SLC10A1: variants seen among roughly 807,000 people sequenced by gnomAD.
The protein encoded by SLC10A1 is solute carrier family 10 member 1.
A neutral mutation model predicts 20.5 loss-of-function variants in SLC10A1; 36 were observed. The ratio of observed to expected loss-of-function variants is 1.75; its 90% CI spans 1.34 to 2.32. SLC10A1 has a LOEUF of 2.32. Ranked by LOEUF, SLC10A1 falls within the 30% of genes most tolerant of loss-of-function variation. SLC10A1 has a pLI of 0.00. For synonymous variants in SLC10A1, 188 were observed against 163.6 expected, an observed-to-expected ratio of 1.15 and a Z score of -1.14; for missense variants, 545 against 439.1, an observed-to-expected ratio of 1.24 and a Z score of -2.16.
At chr14:69,791,105 TAAA>T (rs1387035157) in intron 1 of SLC10A1, among the ~76,000 whole-genome samples, 3 of 152,020 alleles carry the variant, frequency 2.0e-5, no homozygotes, top group African/African-American at 7.2e-5. Flanking sequence ...AGAAAGGTAT[TAAA>T]AAAGGCCTAA....
intron 1 of SLC10A1, among the ~76,000 whole-genome samples, chr14:69,792,687 T>A (rs1294555056): frequency 6.6e-6 from 1 of 152,198 alleles, no homozygotes. Context: ...TGCCCTCATG[T>A]GGGCAGAGGG....
rs200792645 is a variant in SLC10A1, at chr14:69,776,103, G to C, written c.*179C>G. ...CAAATTCTAAGTTGGGGATAGGTGA[G>C]GCTTCTTGGGTAGACACCCTGTCTG... On this transcript the variant is annotated 3_prime_UTR_variant, in exon 5 of 5. Transcript: ENST00000216540. 1.0e-5 allele frequency: 6 copies of C among 576,092 alleles called. No individual in the cohort carries two copies. Among genetic ancestry groups the C allele is most frequent in the South Asian group, 2.2e-5 (1 of 45,234 alleles). The allele number at this position is 576,092 out of a possible 1,614,324, so 35.7% of individuals were successfully genotyped here.
At chr14:69,781,686 A>C (rs1287760132) in intron 2 of SLC10A1, among the ~76,000 whole-genome samples, 3 of 152,200 alleles carry the variant, frequency 2.0e-5, no homozygotes, top group Admixed American at 6.5e-5. Flanking sequence ...AGAGTGGTGG[A>C]TGGCTTATGG....
intron 1 of SLC10A1, among the ~76,000 whole-genome samples, chr14:69,789,330 A>G (rs1416631207): frequency 1.3e-5 from 2 of 152,250 alleles, no homozygotes; most frequent in African/African-American, 4.8e-5. Context: ...GAATGAATGG[A>G]TGAGCAAAAT....
chr14:69,786,752 AAAT>A (rs1883725775), intron 1 of SLC10A1, among the ~76,000 whole-genome samples: 1 of 152,226 alleles, frequency 6.6e-6, no homozygotes, highest in African/African-American at 2.4e-5. Flanking sequence ...CACAGTTACT[AAAT>A]GTCTGGTTTA....
At chr14:69,793,643 A>G (rs1024066223) in intron 1 of SLC10A1, among the ~76,000 whole-genome samples, 6 of 152,172 alleles carry the variant, frequency 3.9e-5, no homozygotes, top group South Asian at 2.1e-4. Flanking sequence ...AGCTTCCTAC[A>G]TCATGGCTGG....
chr14:69,789,584 G>C (rs1185763715), intron 1 of SLC10A1, among the ~76,000 whole-genome samples: 1 of 152,074 alleles, frequency 6.6e-6, no homozygotes, highest in South Asian at 2.1e-4. Flanking sequence ...TCCTTTTTGG[G>C]GTATTGAAAA....
At chr14:69,785,413 A>G (rs1883688266) in intron 2 of SLC10A1, among the ~76,000 whole-genome samples, 1 of 152,004 alleles carries the variant, frequency 6.6e-6, no homozygotes, top group African/African-American at 2.4e-5. Flanking sequence ...GTGCCTGCTG[A>G]ACTCTATTCA....
At chr14:69,781,161 CTG>C (rs891321383) in intron 2 of SLC10A1, among the ~76,000 whole-genome samples, 5 of 152,200 alleles carry the variant, frequency 3.3e-5, no homozygotes, top group Non-Finnish European at 4.4e-5. Flanking sequence ...GCTCACTAAA[CTG>C]TAACTCCTGT....
At chr14:69,778,050 G>A (rs1287343187) in intron 4 of SLC10A1, among the ~76,000 whole-genome samples, 1 of 152,072 alleles carries the variant, frequency 6.6e-6, no homozygotes, top group South Asian at 2.1e-4. Flanking sequence ...GTCCTATGAT[G>A]TCTCCCCACT....
intron 1 of SLC10A1, among the ~76,000 whole-genome samples, chr14:69,788,307 AAAT>A (rs1405456239): frequency 3.3e-5 from 5 of 152,134 alleles, no homozygotes; most frequent in African/African-American, 7.2e-5. Context: ...TAGAATATAA[AAAT>A]AATAAAATAC....
chr14:69,788,840 C>T (rs1883782301), intron 1 of SLC10A1, among the ~76,000 whole-genome samples: 1 of 152,108 alleles, frequency 6.6e-6, no homozygotes, highest in Non-Finnish European at 1.5e-5. Context: ...GCCACCGCGC[C>T]CGGCCAATAT....
intron 4 of SLC10A1, among the ~76,000 whole-genome samples, chr14:69,777,593 TTTTTTTTTTTTTAAAA>T (rs1566633956): frequency 1.0e-5 from 1 of 98,458 alleles, no homozygotes; most frequent in Admixed American, 9.6e-5. Context: ...TTTTTTTTTT[TTTTTTTTTTTTTAAAA>T]TTGGTGTTAA....
intron 1 of SLC10A1, among the ~76,000 whole-genome samples, chr14:69,787,592 A>T (rs1883751991): frequency 6.6e-6 from 1 of 152,254 alleles, no homozygotes; most frequent in African/African-American, 2.4e-5. Flanking sequence ...GAGCGTAGCC[A>T]TCAAGAACAA....
chr14:69,794,231 A>T (rs1034725506), intron 1 of SLC10A1, among the ~76,000 whole-genome samples: 2 of 152,116 alleles, frequency 1.3e-5, no homozygotes, highest in African/African-American at 2.4e-5. Flanking sequence ...AAAAAAATGG[A>T]ATGAGTTGCT....
Position 69,787,822 on chromosome 14 carries a change from G to GA in SLC10A1, c.357-1516dup, listed in dbSNP as rs1004183165. 7.8e-4 allele frequency among the ~76,000 whole-genome samples: 118 copies of GA among 152,196 alleles called. 1 individual carries two copies. The highest frequency in any genetic ancestry group is 2.8e-3 in the African/African-American group (115 of 41,538). ...AGGAGGGAGGATTGCTTGAAGCCAGGAGTTTGAGACCAGCCTGGGCAACAA... is the reference window on the plus strand; with the variant it reads ...AGGAGGGAGGATTGCTTGAAGCCAGGAAGTTTGAGACCAGCCTGGGCAACAA... On this transcript the variant is annotated intron_variant, in intron 1 of 4. Coordinates refer to ENST00000216540, the MANE Select transcript of SLC10A1 (RefSeq NM_003049.4).
intron 1 of SLC10A1, among the ~76,000 whole-genome samples, chr14:69,788,232 G>A (rs1425289906): frequency 1.3e-5 from 2 of 152,062 alleles, no homozygotes; most frequent in African/African-American, 4.8e-5. Flanking sequence ...AAAGGATCAT[G>A]GGATGAGGGG....
At chr14:69,780,904 G>T (rs151319236) in intron 2 of SLC10A1, among the ~76,000 whole-genome samples, 113 of 152,310 alleles carry the variant, frequency 7.4e-4, no homozygotes, top group African/African-American at 2.6e-3. Context: ...AGTGGATAAT[G>T]TAGGAGACAT....
chr14:69,789,336 A>C (rs1332627975), intron 1 of SLC10A1, among the ~76,000 whole-genome samples: 1 of 152,258 alleles, frequency 6.6e-6, no homozygotes, highest in Non-Finnish European at 1.5e-5. Context: ...ATGGATGAGC[A>C]AAATGTATTA....
Sources: allele counts gnomAD v4.1 joint callset (sites outside exome capture counted in the v4.1 genomes callset), GRCh38; gene constraint gnomAD v4.1.1; transcripts MANE v1.5; gene names NCBI Gene and HGNC (gene_info 2026-07-23, HGNC 2026-07-21).